KIAA0232: variants seen among roughly 807,000 people sequenced by gnomAD.
KIAA0232 encodes KIAA0232.
A neutral mutation model predicts 122.0 loss-of-function variants in KIAA0232; 27 were observed. That is an observed-to-expected ratio of 0.22 (90% CI 0.16 to 0.31). The LOEUF is 0.31. KIAA0232 is among the 10% of genes least tolerant of loss of function. The probability of loss-of-function intolerance (pLI) is 1.00; values close to 1 mark genes in which losing one functional copy is unlikely to be tolerated. For missense variants in KIAA0232, 1,551 were observed against 1,634.2 expected, an observed-to-expected ratio of 0.95 and a Z score of 0.88; for synonymous variants, 613 against 587.6, an observed-to-expected ratio of 1.04 and a Z score of -0.63.
At chr4:6,800,947 T>C (rs1224618736) in intron 1 of KIAA0232, among the ~76,000 whole-genome samples, 2 of 152,226 alleles carry the variant, frequency 1.3e-5, no homozygotes, top group Non-Finnish European at 1.5e-5. Flanking sequence ...CAACAGCTTA[T>C]TAACATGGAA....
intron 6 of KIAA0232, among the ~76,000 whole-genome samples, chr4:6,859,752 G>C (rs1720758854): frequency 6.6e-6 from 1 of 152,194 alleles, no homozygotes; most frequent in Non-Finnish European, 1.5e-5. Context: ...GTGTGACCTT[G>C]AGCATTGCCT....
intron 1 of KIAA0232, among the ~76,000 whole-genome samples, chr4:6,786,905 G>A (rs562316551): frequency 5.9e-5 from 9 of 152,182 alleles, no homozygotes; most frequent in South Asian, 4.1e-4. Flanking sequence ...TGTATTGGCC[G>A]GGCGCGGTGG....
chr4:6,816,244 T>A (rs1718118965), intron 2 of KIAA0232, among the ~76,000 whole-genome samples: 1 of 152,048 alleles, frequency 6.6e-6, no homozygotes, highest in Non-Finnish European at 1.5e-5. Context: ...TCTGTACTCA[T>A]GAGGCATATT....
chr4:6,806,047 A>G (rs1260734825), intron 2 of KIAA0232, among the ~76,000 whole-genome samples: 3 of 152,162 alleles, frequency 2.0e-5, no homozygotes, highest in African/African-American at 2.4e-5. Context: ...TTGTAAGTGT[A>G]TACATTTTCC....
intron 2 of KIAA0232, among the ~76,000 whole-genome samples, chr4:6,822,770 T>C (rs1001146789): frequency 6.6e-6 from 1 of 151,838 alleles, no homozygotes; most frequent in Non-Finnish European, 1.5e-5. Flanking sequence ...AAGTTTCTTT[T>C]TTTTTTTTTA....
chr4:6,880,724 G>GTA, intron 9 of KIAA0232, 63 bp from the exon 10 acceptor site: 1 of 1,104,342 alleles, frequency 9.1e-7, no homozygotes, highest in Non-Finnish European at 1.3e-6. Flanking sequence ...TATAGATAGA[G>GTA]TATCTCACCC....
chr4:6,835,212 C>G (rs967089433), intron 3 of KIAA0232, among the ~76,000 whole-genome samples: 4 of 152,160 alleles, frequency 2.6e-5, no homozygotes, highest in African/African-American at 9.7e-5. Context: ...CTGGGTCCCT[C>G]AAAGCGAGTA....
At chr4:6,787,012 C>G (rs1260741740) in intron 1 of KIAA0232, among the ~76,000 whole-genome samples, 2 of 151,822 alleles carry the variant, frequency 1.3e-5, no homozygotes, top group African/African-American at 4.8e-5. Flanking sequence ...GAAACCCCAT[C>G]TCTACTAAAA....
At chr4:6,803,809 A>G (rs1717492890) in intron 1 of KIAA0232, among the ~76,000 whole-genome samples, 2 of 151,992 alleles carry the variant, frequency 1.3e-5, no homozygotes, top group African/African-American at 2.4e-5. Context: ...TTTCCTACCT[A>G]TTTTCTTCCT....
At chr4:6,857,361 T>A in intron 5 of KIAA0232, 131 bp downstream of exon 5, 1 of 640,620 alleles carries the variant, frequency 1.6e-6, no homozygotes, top group South Asian at 2.7e-5. Flanking sequence ...TGTGTGTCAC[T>A]AGGCCAGCCT....
intron 3 of KIAA0232, among the ~76,000 whole-genome samples, chr4:6,835,903 A>G (rs1426037378): frequency 6.6e-6 from 1 of 152,120 alleles, no homozygotes; most frequent in Non-Finnish European, 1.5e-5. Flanking sequence ...TGTCTTTGCT[A>G]TTGTGAATAG....
rs752085687 is a variant in KIAA0232 at position 6,858,386 on chromosome 4, A to T, written c.437-39A>T. 2.4e-6 allele frequency: 3 copies of T among 1,237,764 alleles called. No individual in the cohort carries two copies. In the Admixed American group the frequency reaches 6.3e-5, roughly 26 times the overall value. 76.7% of individuals were successfully genotyped at this position (1,237,764 alleles called of 1,614,324 possible). ...AAATACATTAGCATTTATTAACTAG[A>T]TATAAGACAAATCTTTCTTAATTTT... On this transcript the variant is annotated intron_variant, in intron 5 of 9. Coordinates refer to ENST00000307659, the MANE Select transcript of KIAA0232 (RefSeq NM_014743.3).
At chr4:6,829,995 T>A (rs756826994) in intron 3 of KIAA0232, among the ~76,000 whole-genome samples, 2 of 152,230 alleles carry the variant, frequency 1.3e-5, no homozygotes, top group African/African-American at 4.8e-5. Flanking sequence ...TTTCTTGTTA[T>A]ACATTGATGT....
At chr4:6,870,132 A>G (rs904473065) in intron 7 of KIAA0232, among the ~76,000 whole-genome samples, 16 of 152,204 alleles carry the variant, frequency 1.1e-4, no homozygotes, top group Admixed American at 5.9e-4. Context: ...CAGGTCTTCT[A>G]TTGACCACAC....
intron 1 of KIAA0232, among the ~76,000 whole-genome samples, chr4:6,786,109 G>T (rs1429865124): frequency 6.6e-6 from 1 of 152,002 alleles, no homozygotes; most frequent in East Asian, 1.9e-4. Context: ...GTAAACTCTG[G>T]CTGTGGTGTC....
intron 2 of KIAA0232, among the ~76,000 whole-genome samples, chr4:6,818,954 T>C (rs1718281117): frequency 6.6e-6 from 1 of 152,032 alleles, no homozygotes; most frequent in Non-Finnish European, 1.5e-5. Context: ...TTCAACAAAG[T>C]TGACAAAAAT....
intron 4 of KIAA0232, among the ~76,000 whole-genome samples, chr4:6,846,386 C>G (rs189648968): frequency 6.6e-6 from 1 of 152,142 alleles, no homozygotes; most frequent in Non-Finnish European, 1.5e-5. Context: ...AGGTGAACAG[C>G]GAGCAAGCTT....
intron 2 of KIAA0232, among the ~76,000 whole-genome samples, chr4:6,817,779 G>T (rs1352764970): frequency 6.6e-6 from 1 of 152,114 alleles, no homozygotes; most frequent in East Asian, 1.9e-4. Flanking sequence ...TTGAGATCTA[G>T]TGTAATTGTG....
At chr4:6,826,930 C>G (rs1393597155) in intron 3 of KIAA0232, among the ~76,000 whole-genome samples, 2 of 152,090 alleles carry the variant, frequency 1.3e-5, no homozygotes, top group African/African-American at 4.8e-5. Context: ...TCTTTACTAA[C>G]TCTAGGGGGT....
Sources: gnomAD v4.1 joint callset for allele counts (sites outside exome capture counted in the v4.1 genomes callset) on GRCh38, gnomAD v4.1.1 for gene constraint, MANE v1.5 for transcripts, NCBI Gene and HGNC (gene_info 2026-07-23, HGNC 2026-07-21) for gene names.